Variants in DACH2 observed in about 807,000 individuals in gnomAD.
DACH2 encodes dachshund family transcription factor 2.
Under a neutral mutation model 35.8 loss-of-function variants are expected in DACH2, and 17 were observed. That is an observed-to-expected ratio of 0.48 (90% CI 0.33 to 0.71). DACH2 has a LOEUF of 0.71. DACH2 is among the 30% of genes least tolerant of loss of function. DACH2 has a pLI of 0.02. For missense variants in DACH2, 469 were observed against 472.7 expected (o/e 0.99, Z 0.07); for synonymous variants, 195 against 177.3 (o/e 1.10, Z -0.79).
rs142892990 is a variant in DACH2, at chrX:86,221,282, A to T, written c.488+72174A>T. Among the ~76,000 whole-genome samples the T allele has an allele frequency of 1.5e-3, 163 of 111,837 alleles. 1 individual carries two copies. The highest frequency in any genetic ancestry group is 5.1e-3 in the African/African-American group (158 of 30,842). ...CAATTTCATTCTTTTATGTGTGGTT[A>T]TTCAGTTTTCCCAACATTATTTGTT... On this transcript the variant is annotated intron_variant, in intron 1 of 11. Coordinates refer to ENST00000373125, the MANE Select transcript of DACH2 (RefSeq NM_053281.3).
rs180799923 is a variant in DACH2, at chrX:86,606,525, G to C, written c.641-44511G>C. 2.0e-3 allele frequency among the ~76,000 whole-genome samples: 223 copies of C among 110,878 alleles called. 2 individuals are homozygous for C. Among genetic ancestry groups the C allele is most frequent in the African/African-American group, 7.1e-3 (216 of 30,627 alleles). On this transcript the variant is annotated intron_variant, in intron 3 of 11. Transcript: ENST00000373125. ...AAATTTCTCTTGTTATTGATTTCTAGTTTTCTTTTATTGTGGCCAGAGAAG... is the reference window on the plus strand; with the variant it reads ...AAATTTCTCTTGTTATTGATTTCTACTTTTCTTTTATTGTGGCCAGAGAAG...
chrX:86,622,664 A>G lies in DACH2; in HGVS notation c.641-28372A>G, dbSNP rs140161852. Among the ~76,000 whole-genome samples the G allele has an allele frequency of 5.2e-3, 579 of 111,924 alleles. 3 individuals carry two copies. Among genetic ancestry groups the G allele is most frequent in the African/African-American group, 0.018 (545 of 30,894 alleles). ...TGATAACAGATAGTTGCTCATTAGTAATATAATTTTCTCCTTACCATTCAT... is the reference window on the plus strand; with the variant it reads ...TGATAACAGATAGTTGCTCATTAGTGATATAATTTTCTCCTTACCATTCAT... On this transcript the variant is annotated intron_variant, in intron 3 of 11. Coordinates refer to ENST00000373125, the MANE Select transcript of DACH2 (RefSeq NM_053281.3).
Position 86,679,166 on chromosome X carries a change from G to T in DACH2, c.773-15855G>T, listed in dbSNP as rs144170217. On this transcript the variant is annotated intron_variant, in intron 4 of 11. Transcript: ENST00000373125. Reference sequence around the variant, plus strand: ...TATGTCTGAACTGTCTAGACTGCATGAGGTAAGACTGTATGAATTGAGTCA... The same window carrying T: ...TATGTCTGAACTGTCTAGACTGCATTAGGTAAGACTGTATGAATTGAGTCA... Among the ~76,000 whole-genome samples, 674 of 111,916 alleles carry T rather than the reference G, an allele frequency of 6.0e-3. 7 individuals are homozygous for T. The highest frequency in any genetic ancestry group is 0.02 in the African/African-American group (619 of 30,848).
intron 3 of DACH2, among the ~76,000 whole-genome samples, chrX:86,576,104 A>T (rs946721194): frequency 3.6e-5 from 4 of 112,077 alleles, no homozygotes; most frequent in Admixed American, 2.9e-4. Flanking sequence ...TGGTCCAAGC[A>T]CTATGATAAA....
chrX:86,243,503 A>T (rs1193366584), intron 1 of DACH2, among the ~76,000 whole-genome samples: 1 of 111,648 alleles, frequency 9.0e-6, no homozygotes, highest in Non-Finnish European at 1.9e-5. Flanking sequence ...TTTCTCTGTC[A>T]GTTTTCATTT....
chrX:86,445,265 A>G (rs985462169), intron 2 of DACH2, among the ~76,000 whole-genome samples: 3 of 101,991 alleles, frequency 2.9e-5, no homozygotes, highest in Non-Finnish European at 5.9e-5. Context: ...AGAACAATAA[A>G]CCAAACACCG....
rs148987482 is a variant in DACH2 at position 86,329,217 on chromosome X, G to A, written c.489-47607G>A. Among the ~76,000 whole-genome samples the A allele has an allele frequency of 3.6e-3, 397 of 110,848 alleles. 1 individual carries two copies. The highest frequency in any genetic ancestry group is 8.8e-3 in the Admixed American group (91 of 10,376). ...TAGTGAGATCATTAGCACAAACAGA[G>A]TATACTTTGGTATCCGTAAAGAAGT... On this transcript the variant is annotated intron_variant, in intron 1 of 11. Coordinates refer to ENST00000373125, the MANE Select transcript of DACH2 (RefSeq NM_053281.3).
intron 3 of DACH2, among the ~76,000 whole-genome samples, chrX:86,635,691 A>G (rs775004980): frequency 2.7e-5 from 3 of 111,917 alleles, no homozygotes; most frequent in Non-Finnish European, 5.6e-5. Flanking sequence ...GTCTCAAAAT[A>G]CAAAATCAAT....
At chrX:86,749,505 G>A (rs2041749685) in intron 7 of DACH2, among the ~76,000 whole-genome samples, 1 of 111,523 alleles carries the variant, frequency 9.0e-6, no homozygotes. Flanking sequence ...ACAGGTCAGT[G>A]AAGCAGTCAG....
At chrX:86,360,795 A>G (rs2035727285) in intron 1 of DACH2, among the ~76,000 whole-genome samples, 1 of 111,843 alleles carries the variant, frequency 8.9e-6, no homozygotes, top group Non-Finnish European at 1.9e-5. Flanking sequence ...TGTATTTTAA[A>G]AAAACATTTT....
chrX:86,620,431 A>T (rs2040055850), intron 3 of DACH2, among the ~76,000 whole-genome samples: 1 of 111,441 alleles, frequency 9.0e-6, no homozygotes, highest in African/African-American at 3.3e-5. Flanking sequence ...TATCACGGAC[A>T]GCAGCTTTCC....
At chrX:86,663,529 G>A (rs2040631235) in intron 4 of DACH2, among the ~76,000 whole-genome samples, 2 of 111,105 alleles carry the variant, frequency 1.8e-5, no homozygotes, top group Admixed American at 9.6e-5. Flanking sequence ...ATGAGAGGAG[G>A]GAATTCCCTG....
chrX:86,152,242 CT>C (rs1408396295), intron 1 of DACH2, among the ~76,000 whole-genome samples: 1 of 111,053 alleles, frequency 9.0e-6, no homozygotes, highest in Non-Finnish European at 1.9e-5. Flanking sequence ...CTTCCCCTCT[CT>C]GTTGAGTATG....
intron 1 of DACH2, among the ~76,000 whole-genome samples, chrX:86,361,924 A>G (rs1029738039): frequency 1.8e-5 from 2 of 111,414 alleles, no homozygotes; most frequent in African/African-American, 6.5e-5. Flanking sequence ...ACTCATTTAA[A>G]ATTCAGAAAT....
At chrX:86,175,002 A>G (rs1243728174) in intron 1 of DACH2, among the ~76,000 whole-genome samples, 2 of 112,005 alleles carry the variant, frequency 1.8e-5, no homozygotes, top group African/African-American at 6.5e-5. Flanking sequence ...CTCTTTAAGT[A>G]GAGATGTAGA....
chrX:86,667,526 AAAGAAAGAAAGAAAGAAAG>A (rs1293113413), intron 4 of DACH2, among the ~76,000 whole-genome samples: 33 of 62,148 alleles, frequency 5.3e-4, no homozygotes, highest in African/African-American at 2.3e-3. Context: ...AGAAAGAAAG[AAAGAAAGAAAGAAAGAAAG>A]AAGAAAGAAA....
At chrX:86,368,433 G>A (rs2035837186) in intron 1 of DACH2, among the ~76,000 whole-genome samples, 1 of 111,569 alleles carries the variant, frequency 9.0e-6, no homozygotes, top group Non-Finnish European at 1.9e-5. Flanking sequence ...ATTGAACTAA[G>A]AATCTGCTAT....
At chrX:86,761,748 GA>G (rs758477605) in intron 7 of DACH2, among the ~76,000 whole-genome samples, 24 of 111,221 alleles carry the variant, frequency 2.2e-4, no homozygotes, top group Non-Finnish European at 4.3e-4. Flanking sequence ...AGGCTGTGGC[GA>G]ACTTTTTCTG....
At chrX:86,416,725 G>A (rs777397468) in intron 2 of DACH2, among the ~76,000 whole-genome samples, 1 of 110,928 alleles carries the variant, frequency 9.0e-6, no homozygotes, top group South Asian at 3.9e-4. Flanking sequence ...GTGGCAGAAG[G>A]CAAAGGGGAG....
Sources: allele counts gnomAD v4.1 joint callset (sites outside exome capture counted in the v4.1 genomes callset), GRCh38; gene constraint gnomAD v4.1.1; transcripts MANE v1.5; gene names NCBI Gene and HGNC (gene_info 2026-07-23, HGNC 2026-07-21).